Variants in CYP2C19 observed in about 807,000 individuals in gnomAD.
CYP2C19 encodes the protein cytochrome P450 family 2 subfamily C member 19.
Under a neutral mutation model 40.9 loss-of-function variants are expected in CYP2C19, and 59 were observed. The ratio of observed to expected loss-of-function variants is 1.44; its 90% CI spans 1.17 to 1.79. The LOEUF (loss-of-function observed/expected upper bound fraction) is 1.79. Ranked by LOEUF, CYP2C19 falls within the 40% of genes most tolerant of loss-of-function variation. The pLI, the probability that CYP2C19 is intolerant of heterozygous loss-of-function variation, is 0.00. For synonymous variants in CYP2C19, 253 were observed against 208.7 expected (o/e 1.21, Z -1.83); for missense variants, 754 against 596.9 (o/e 1.26, Z -2.74).
At chr10:94,801,992 G>T (rs915158279) in intron 5 of CYP2C19, among the ~76,000 whole-genome samples, 2 of 152,196 alleles carry the variant, frequency 1.3e-5, no homozygotes, top group Non-Finnish European at 2.9e-5. Flanking sequence ...TGACATCATG[G>T]AAGGAGACCT....
intron 5 of CYP2C19, among the ~76,000 whole-genome samples, chr10:94,784,957 A>AT (rs1848522584): frequency 6.6e-6 from 1 of 152,092 alleles, no homozygotes; most frequent in African/African-American, 2.4e-5. Context: ...ACTGTTACCC[A>AT]TTTGTATATC....
intron 5 of CYP2C19, among the ~76,000 whole-genome samples, chr10:94,811,505 T>C (rs1304305531): frequency 2.0e-5 from 3 of 152,154 alleles, no homozygotes. Context: ...TCTATTATTG[T>C]GTGGGAGCCT....
At chr10:94,798,493 G>A (rs890531379) in intron 5 of CYP2C19, among the ~76,000 whole-genome samples, 1 of 152,104 alleles carries the variant, frequency 6.6e-6, no homozygotes, top group Non-Finnish European at 1.5e-5. Flanking sequence ...GAGTTCTGTA[G>A]ATGTCTATCA....
chr10:94,842,976 C>A lies in CYP2C19; in HGVS notation c.1101C>A (p.Pro367=), dbSNP rs763843748. The A allele has an allele frequency of 6.2e-6, 10 of 1,614,084 alleles. No individual in the cohort carries two copies. Among genetic ancestry groups the A allele is most frequent in the Non-Finnish European group, 8.5e-6 (10 of 1,180,048 alleles). ...RYIDLIPTSL[P]HAVTCDVKFR... ...TCGACCTCATCCCCACCAGCCTGCCCCATGCAGTGACCTGTGACGTTAAAT... is the reference window on the plus strand; with the variant it reads ...TCGACCTCATCCCCACCAGCCTGCCACATGCAGTGACCTGTGACGTTAAAT... The change falls in exon 7 of 9, where the codon CCC becomes CCA. Residue 367 remains proline, a synonymous_variant. Coordinates refer to ENST00000371321, the MANE Select transcript of CYP2C19 (RefSeq NM_000769.4).
chr10:94,829,852 T>C (rs1159306250), intron 6 of CYP2C19, among the ~76,000 whole-genome samples: 3 of 151,962 alleles, frequency 2.0e-5, no homozygotes, highest in Non-Finnish European at 4.4e-5. Flanking sequence ...GTCCTTTCTG[T>C]TTGTTAGTTT....
At chr10:94,809,227 T>C (rs1848879611) in intron 5 of CYP2C19, among the ~76,000 whole-genome samples, 1 of 152,206 alleles carries the variant, frequency 6.6e-6, no homozygotes, top group South Asian at 2.1e-4. Context: ...TCCATTTGTA[T>C]GTCTTCTGTT....
intron 7 of CYP2C19, among the ~76,000 whole-genome samples, chr10:94,845,343 C>A (rs868055393): frequency 6.6e-6 from 1 of 152,118 alleles, no homozygotes; most frequent in Admixed American, 6.5e-5. Flanking sequence ...GTAAATTTCC[C>A]ATAAATTTTT....
intron 3 of CYP2C19, chr10:94,775,819 A>G: frequency 2.0e-6 from 1 of 510,336 alleles, no homozygotes; most frequent in Non-Finnish European, 3.5e-6. Context: ...TGATGAATAT[A>G]GATTTTGAGT....
At chr10:94,800,258 G>A (rs1328371052) in intron 5 of CYP2C19, among the ~76,000 whole-genome samples, 3 of 152,188 alleles carry the variant, frequency 2.0e-5, no homozygotes, top group Admixed American at 6.5e-5. Context: ...TAACCATCAT[G>A]TCCCTCAGCT....
chr10:94,826,454 CTGTT>C (rs1391856757), intron 6 of CYP2C19, among the ~76,000 whole-genome samples: 5 of 152,116 alleles, frequency 3.3e-5, no homozygotes, highest in Admixed American at 1.3e-4. Context: ...ATTTGGCACT[CTGTT>C]TGTCTATTGT....
At position 94,828,795 on chromosome 10, in the gene CYP2C19, C is replaced by T. The variant is rs1472397607; in HGVS notation, c.961+8158C>T. Among the ~76,000 whole-genome samples, 5 of 152,116 alleles carry T rather than the reference C, an allele frequency of 3.3e-5. No individual in the cohort carries two copies. In the East Asian group the frequency reaches 7.7e-4, roughly 23 times the overall value. Reference sequence around the variant, plus strand: ...ACATTTTGGCATGATTTTGCAGCGGCTGGTACCGGTTGTTCCTTTCCATGA... The same window carrying T: ...ACATTTTGGCATGATTTTGCAGCGGTTGGTACCGGTTGTTCCTTTCCATGA... On this transcript the variant is annotated intron_variant, in intron 6 of 8. Coordinates refer to ENST00000371321, the MANE Select transcript of CYP2C19 (RefSeq NM_000769.4).
intron 1 of CYP2C19, among the ~76,000 whole-genome samples, chr10:94,771,709 C>T (rs1848335120): frequency 1.3e-5 from 2 of 152,094 alleles, no homozygotes; most frequent in African/African-American, 4.8e-5. Context: ...TCTACCTGCC[C>T]AGGAACCTGC....
chr10:94,829,692 T>C (rs1404490065), intron 6 of CYP2C19, among the ~76,000 whole-genome samples: 1 of 152,122 alleles, frequency 6.6e-6, no homozygotes, highest in Non-Finnish European at 1.5e-5. Flanking sequence ...GTTCCGTTGC[T>C]GGTGAGGAAC....
At position 94,806,204 on chromosome 10, in the gene CYP2C19, G is replaced by A. The variant is rs114365056; in HGVS notation, c.820-14292G>A. 3.1e-3 allele frequency among the ~76,000 whole-genome samples: 472 copies of A among 152,124 alleles called. 3 individuals carry two copies. Among genetic ancestry groups the A allele is most frequent in the African/African-American group, 0.011 (449 of 41,480 alleles). ...ACTTTGCCTAATGTTATGTTCTCAG[G>A]GTTCATTCATGTTTTCGCATGTGTC... On this transcript the variant is annotated intron_variant, in intron 5 of 8. Transcript: ENST00000371321.
chr10:94,812,612 A>G (rs1024620196), intron 5 of CYP2C19, among the ~76,000 whole-genome samples: 4 of 151,916 alleles, frequency 2.6e-5, no homozygotes, highest in South Asian at 4.2e-4. Flanking sequence ...TTCACATTTT[A>G]TTTCATTAAG....
At position 94,853,418 on chromosome 10, in the gene CYP2C19, T is replaced by C. The variant is rs1286260117; in HGVS notation, c.*504T>C. ...CTATTTTGGCTGAGCATTACCAAAA[T>C]TTAGAGTTACATGAGGATTGGATTT... On this transcript the variant is annotated 3_prime_UTR_variant, in exon 9 of 9. Transcript: ENST00000371321. Among the ~76,000 whole-genome samples the C allele has an allele frequency of 2.0e-5, 3 of 152,146 alleles. No individual in the cohort carries two copies. The highest frequency in any genetic ancestry group is 4.4e-5 in the Non-Finnish European group (3 of 68,026).
chr10:94,815,841 C>T (rs532010151), intron 5 of CYP2C19, among the ~76,000 whole-genome samples: 43 of 152,228 alleles, frequency 2.8e-4, no homozygotes, highest in African/African-American at 1.0e-3. Flanking sequence ...ACAATTTCAA[C>T]TTTATAATGA....
At chr10:94,774,124 C>A (rs566394394) in intron 1 of CYP2C19, 1 of 152,116 alleles carries the variant, frequency 6.6e-6, no homozygotes, top group African/African-American at 2.4e-5. Flanking sequence ...AGTCCCCACC[C>A]GACACAGAAG....
rs758787238 is a variant in CYP2C19 at position 94,842,885 on chromosome 10, C to G, written c.1010C>G (p.Pro337Arg). ...CGTGTCATTGGCAGAAACCGGAGCC[C>G]CTGCATGCAGGACAGGGGCCACATG... ...IERVIGRNRS[P>R]CMQDRGHMPY... The change falls in exon 7 of 9, where the codon CCC (proline) becomes CGC (arginine). Residue 337 changes from proline to arginine, a missense_variant. Physicochemically the swap from Pro to Arg is moderately radical, Grantham distance 103. Coordinates refer to ENST00000371321, the MANE Select transcript of CYP2C19 (RefSeq NM_000769.4). 1 of 1,614,156 alleles carries G rather than the reference C, an allele frequency of 6.2e-7. No homozygotes were observed. The highest frequency in any genetic ancestry group is 2.2e-5 in the East Asian group (1 of 44,878).
Sources: gnomAD v4.1 joint callset for allele counts (sites outside exome capture counted in the v4.1 genomes callset) on GRCh38, gnomAD v4.1.1 for gene constraint, MANE v1.5 for transcripts, NCBI Gene and HGNC (gene_info 2026-07-23, HGNC 2026-07-21) for gene names.